FGF13: variants seen among roughly 807,000 people sequenced by gnomAD.
FGF13 encodes the protein fibroblast growth factor homologous factor 2.
In FGF13, 2 loss-of-function variants were observed where a neutral mutation model predicts 19.5. That is an observed-to-expected ratio of 0.10 (90% confidence interval 0.04 to 0.32). FGF13 has a LOEUF of 0.32. Ranked by LOEUF, FGF13 falls within the 10% of genes least tolerant of loss-of-function variation. The pLI is 1.00. For missense variants in FGF13, 113 were observed against 192.7 expected, an observed-to-expected ratio of 0.59 and a Z score of 2.45; for synonymous variants, 72 against 76.9, an observed-to-expected ratio of 0.94 and a Z score of 0.33.
At position 139,064,447 on chromosome X, in the gene FGF13, C is replaced by T. The variant is rs1430817976; in HGVS notation, c.-113+138969G>A. Among the ~76,000 whole-genome samples the T allele has an allele frequency of 2.6e-4, 21 of 80,934 alleles. 1 individual carries two copies. The highest frequency in any genetic ancestry group is 6.2e-3 in the Middle Eastern group (1 of 162). 70.3% of individuals were successfully genotyped at this position (80,934 alleles called of 115,157 possible). A position where few individuals can be genotyped will look rare whatever the true frequency, so the allele number is the denominator to read the frequency against. Reference sequence around the variant, plus strand: ...CCTCCCGAGTAGCTGGGACTACAGGCGCCCGCCACCGCGCCCGGCTAATTT... The same window carrying T: ...CCTCCCGAGTAGCTGGGACTACAGGTGCCCGCCACCGCGCCCGGCTAATTT... On this transcript the variant is annotated intron_variant, in intron 1 of 2. Coordinates refer to the FGF13 transcript ENST00000421460.
At chrX:139,151,504 A>G (rs757799263) in intron 1 of FGF13, among the ~76,000 whole-genome samples, 1 of 112,339 alleles carries the variant, frequency 8.9e-6, no homozygotes, top group South Asian at 3.6e-4. Flanking sequence ...ATGACTGTCT[A>G]GCAGCTAGTT....
At chrX:138,958,371 G>A (rs753175425) in intron 1 of FGF13, among the ~76,000 whole-genome samples, 13 of 111,835 alleles carry the variant, frequency 1.2e-4, no homozygotes, top group African/African-American at 3.9e-4. Flanking sequence ...TCCCAGGGAT[G>A]AAGCCAACTT....
chrX:138,747,497 C>T (rs1214133268), intron 3 of FGF13, among the ~76,000 whole-genome samples: 3 of 111,896 alleles, frequency 2.7e-5, no homozygotes, highest in Admixed American at 9.5e-5. Flanking sequence ...CTAAAGCCTA[C>T]GGTAAATAAA....
intron 3 of FGF13, among the ~76,000 whole-genome samples, chrX:138,773,014 T>A (rs2090559699): frequency 9.2e-6 from 1 of 108,553 alleles, no homozygotes; most frequent in Non-Finnish European, 1.9e-5. Context: ...AAGTTCAAGT[T>A]GATGGCTGGT....
chrX:139,128,041 G>A (rs1433690711), intron 1 of FGF13, among the ~76,000 whole-genome samples: 1 of 110,596 alleles, frequency 9.0e-6, no homozygotes, highest in East Asian at 2.9e-4. Context: ...CCTGGACTAT[G>A]CTCAAATGGG....
chrX:139,096,402 G>A (rs2083470398), intron 1 of FGF13, among the ~76,000 whole-genome samples: 1 of 111,081 alleles, frequency 9.0e-6, no homozygotes, highest in Admixed American at 9.6e-5. Flanking sequence ...TGGTGAGAAG[G>A]GTATAAACAA....
intron 1 of FGF13, among the ~76,000 whole-genome samples, chrX:139,136,332 G>T (rs2083800678): frequency 9.0e-6 from 1 of 110,532 alleles, no homozygotes; most frequent in African/African-American, 3.3e-5. Context: ...CTAATGTATA[G>T]TTATTTATCC....
intron 1 of FGF13, among the ~76,000 whole-genome samples, chrX:139,044,474 C>A (rs2092280347): frequency 9.0e-6 from 1 of 111,593 alleles, no homozygotes; most frequent in Non-Finnish European, 1.9e-5. Flanking sequence ...ATGATCTATA[C>A]ACCCACCAGG....
At chrX:139,043,365 C>T (rs753939225) in intron 1 of FGF13, among the ~76,000 whole-genome samples, 23 of 110,531 alleles carry the variant, frequency 2.1e-4, no homozygotes, top group Admixed American at 6.7e-4. Flanking sequence ...GCGACTGCCA[C>T]CACACCCATC....
chrX:138,814,201 G>T (rs1468617992), intron 3 of FGF13, among the ~76,000 whole-genome samples: 1 of 109,664 alleles, frequency 9.1e-6, no homozygotes, highest in African/African-American at 3.3e-5. Context: ...ATAACAATAA[G>T]TTATTTTTAG....
In FGF13 at chrX:139,041,962, G is replaced by A. The variant is rs189328749; in HGVS notation, c.-113+161454C>T. 2.7e-5 allele frequency among the ~76,000 whole-genome samples: 3 copies of A among 112,120 alleles called. No homozygotes were observed. The East Asian group carries it at 8.4e-4, about 32-fold the overall frequency. ...CTTCTGTCAAAAATACTCAAATTAT[G>A]TATGGTATTTGGTAGCCTGTCATGG... On this transcript the variant is annotated intron_variant, in intron 1 of 2. Transcript: ENST00000421460.
intron 3 of FGF13, among the ~76,000 whole-genome samples, chrX:138,657,728 C>G (rs73241058): frequency 3.6e-5 from 4 of 111,381 alleles, no homozygotes; most frequent in African/African-American, 9.8e-5. Flanking sequence ...GCCAAAAGGC[C>G]GAGAAGCAAT....
chrX:138,846,205 G>GTGTC (rs2091181763), intron 3 of FGF13, among the ~76,000 whole-genome samples: 1 of 109,581 alleles, frequency 9.1e-6, no homozygotes, highest in South Asian at 4.0e-4. Flanking sequence ...GTGTGTGTGT[G>GTGTC]TGTGTGTGTG....
In FGF13 at chrX:139,196,905, G is replaced by A. The variant is rs759758611; in HGVS notation, c.-113+6511C>T. Among the ~76,000 whole-genome samples, 7 of 112,281 alleles carry A rather than the reference G, an allele frequency of 6.2e-5. No individual in the cohort carries two copies. In the Admixed American group the frequency reaches 6.6e-4, roughly 11 times the overall value. On this transcript the variant is annotated intron_variant, in intron 1 of 2. Coordinates refer to the FGF13 transcript ENST00000421460. The stretch of plus-strand genomic sequence containing the variant: ...CAGTGCTCAGAAAATACTATTTTTA[G>A]GACACCAGTCAAAATTATTTCTGCC...
intron 1 of FGF13, among the ~76,000 whole-genome samples, chrX:139,061,117 T>G (rs2092334753): frequency 8.9e-6 from 1 of 111,964 alleles, no homozygotes; most frequent in Admixed American, 9.5e-5. Flanking sequence ...TCCTCTACAA[T>G]TGACTCTCCA....
Position 139,070,578 on chromosome X carries a change from C to T in FGF13, c.-113+132838G>A, listed in dbSNP as rs773440957. Among the ~76,000 whole-genome samples, 116 of 112,012 alleles carry T rather than the reference C, an allele frequency of 1.0e-3. 1 individual carries two copies. The highest frequency in any genetic ancestry group is 1.6e-3 in the Admixed American group (17 of 10,575). On this transcript the variant is annotated intron_variant, in intron 1 of 2. Transcript: ENST00000421460. ...TGTGGAAGACAGTGTGGAGATTCCT[C>T]AAGGATCTAGAACCAGAAATACTAT...
At chrX:139,165,124 A>G (rs2084071467) in intron 1 of FGF13, among the ~76,000 whole-genome samples, 1 of 112,295 alleles carries the variant, frequency 8.9e-6, no homozygotes, top group Non-Finnish European at 1.9e-5. Flanking sequence ...GAAACAACTT[A>G]TTGGAAACTG....
At chrX:139,108,458 A>G (rs1271026995) in intron 1 of FGF13, among the ~76,000 whole-genome samples, 5 of 111,319 alleles carry the variant, frequency 4.5e-5, no homozygotes, top group Admixed American at 1.9e-4. Flanking sequence ...GAAGATACCA[A>G]TTAAGACCAT....
In FGF13 at chrX:138,631,333, G is replaced by C. The variant is rs956373479; in HGVS notation, c.*1517C>G. 8.9e-6 allele frequency: 1 copy of C among 111,943 alleles called. No homozygotes were observed. The highest frequency in any genetic ancestry group is 3.2e-5 in the African/African-American group (1 of 30,810). 9.2% of individuals were successfully genotyped at this position (111,943 alleles called of 1,213,427 possible). A position where few individuals can be genotyped will look rare whatever the true frequency, so the allele number is the denominator to read the frequency against. On this transcript the variant is annotated 3_prime_UTR_variant, in exon 5 of 5. Transcript: ENST00000315930. ...TGGCAGAGAAAATACTAGCACAAACGCCTCATTTGTATAATTTGACTACTG... is the reference window on the plus strand; with the variant it reads ...TGGCAGAGAAAATACTAGCACAAACCCCTCATTTGTATAATTTGACTACTG...
Sources: allele counts gnomAD v4.1 joint callset (sites outside exome capture counted in the v4.1 genomes callset), GRCh38; gene constraint gnomAD v4.1.1; transcripts MANE v1.5; gene names NCBI Gene and HGNC (gene_info 2026-07-23, HGNC 2026-07-21).